Variants in PDE10A observed in about 807,000 individuals in gnomAD.
PDE10A encodes cAMP and cAMP-inhibited cGMP 3',5'-cyclic phosphodiesterase 10A.
PDE10A carries 39 observed loss-of-function variants against 97.7 expected under a neutral mutation model. That is an observed-to-expected ratio of 0.40 (90% CI 0.31 to 0.52). PDE10A has a LOEUF of 0.52. PDE10A is among the 20% of genes least tolerant of loss of function. The probability of loss-of-function intolerance (pLI) is 0.56; values close to 1 mark genes in which losing one functional copy is unlikely to be tolerated. For synonymous variants in PDE10A, 371 were observed against 376.8 expected, an observed-to-expected ratio of 0.98 and a Z score of 0.18; for missense variants, 731 against 1,047.8, an observed-to-expected ratio of 0.70 and a Z score of 4.17.
chr6:165,870,403 T>C (rs762693340), intron 1 of PDE10A, among the ~76,000 whole-genome samples: 6 of 152,102 alleles, frequency 3.9e-5, no homozygotes, highest in Non-Finnish European at 5.9e-5. Context: ...CAATGAGATA[T>C]TGTCTCACTC....
chr6:165,954,477 C>T (rs1407835038), intron 1 of PDE10A, among the ~76,000 whole-genome samples: 1 of 152,150 alleles, frequency 6.6e-6, no homozygotes, highest in Non-Finnish European at 1.5e-5. Context: ...CCCTCAGCTT[C>T]CTAAAGTCCA....
intron 10 of PDE10A, among the ~76,000 whole-genome samples, chr6:165,425,774 T>TGTGC (rs1193179570): frequency 3.0e-4 from 37 of 122,056 alleles, no homozygotes; most frequent in African/African-American, 9.0e-4. Context: ...CATGATCGTG[T>TGTGC]GTGTGTGTGT....
intron 1 of PDE10A, among the ~76,000 whole-genome samples, chr6:165,573,159 C>A (rs1440755986): frequency 6.6e-6 from 1 of 152,068 alleles, no homozygotes; most frequent in Non-Finnish European, 1.5e-5. Flanking sequence ...TATCTTCATT[C>A]TTTAGGACTT....
At chr6:165,806,604 G>A (rs1163494868) in intron 1 of PDE10A, among the ~76,000 whole-genome samples, 5 of 152,040 alleles carry the variant, frequency 3.3e-5, no homozygotes, top group Non-Finnish European at 7.3e-5. Flanking sequence ...CTCCTATTGC[G>A]TCTCTTCAGC....
At chr6:165,407,306 G>C (rs1041040650) in intron 13 of PDE10A, among the ~76,000 whole-genome samples, 5 of 152,158 alleles carry the variant, frequency 3.3e-5, no homozygotes, top group African/African-American at 1.2e-4. Flanking sequence ...GGACCAGTCT[G>C]CATGCATTCA....
At chr6:165,746,971 T>G (rs935627755) in intron 1 of PDE10A, among the ~76,000 whole-genome samples, 4 of 152,224 alleles carry the variant, frequency 2.6e-5, no homozygotes, top group Admixed American at 2.0e-4. Flanking sequence ...AAATACAGTG[T>G]TTTAAATAAA....
At chr6:165,403,438 C>T (rs993912582) in intron 13 of PDE10A, among the ~76,000 whole-genome samples, 2 of 152,230 alleles carry the variant, frequency 1.3e-5, no homozygotes, top group East Asian at 3.9e-4. Flanking sequence ...CAAATCAGGA[C>T]CCTTCTGTTT....
intron 1 of PDE10A, among the ~76,000 whole-genome samples, chr6:165,579,049 C>A (rs1485214461): frequency 2.0e-5 from 3 of 152,156 alleles, no homozygotes; most frequent in African/African-American, 4.8e-5. Context: ...ACAGCACATA[C>A]CCTCCCAAGA....
intron 1 of PDE10A, among the ~76,000 whole-genome samples, chr6:165,770,699 A>G (rs1562728011): frequency 6.6e-6 from 1 of 152,130 alleles, no homozygotes. Context: ...AGGCCTCATC[A>G]TCTCTGCTCT....
chr6:165,709,545 C>A, intron 1 of PDE10A, among the ~76,000 whole-genome samples: 1 of 105,534 alleles, frequency 9.5e-6, no homozygotes, highest in Non-Finnish European at 2.0e-5. Flanking sequence ...TCCCTCCCCT[C>A]CACTCTCTAT....
intron 11 of PDE10A, among the ~76,000 whole-genome samples, chr6:165,416,630 G>A (rs1438796732): frequency 6.6e-6 from 1 of 152,076 alleles, no homozygotes; most frequent in African/African-American, 2.4e-5. Flanking sequence ...TTCTCAATGA[G>A]GTGTGAACGA....
In PDE10A at chr6:165,388,298, C is replaced by T. The variant is rs1033417971; in HGVS notation, c.2610G>A (p.Gln870=). The T allele has an allele frequency of 1.9e-6, 3 of 1,613,858 alleles. No individual in the cohort carries two copies. The highest frequency in any genetic ancestry group is 2.2e-5 in the East Asian group (1 of 44,874). The change falls in exon 17 of 22, where the codon CAG becomes CAA. Residue 870 remains glutamine (Q), a splice_region_variant and synonymous_variant. Transcript: ENST00000539869. This position sits in a 1 kb window ranked among gnomAD's most constrained non-coding sequence, Gnocchi z 4.0. ...HHFSQTVSIL[Q]LEGHNIFSTL... is the part of the protein sequence containing the mutation. ...CGAGAGACGGCGTGCAGTGACTCAC[C>T]TGGAGGATGGACACAGTCTGGGAGA...
At chr6:165,455,416 C>T (rs746852860) in intron 3 of PDE10A, among the ~76,000 whole-genome samples, 20 of 152,070 alleles carry the variant, frequency 1.3e-4, no homozygotes, top group Non-Finnish European at 2.4e-4. Context: ...AGGATCCCCA[C>T]GTAGGAAGGG....
At chr6:165,433,307 A>G (rs1251975194) in intron 6 of PDE10A, among the ~76,000 whole-genome samples, 178 bp from the exon 7 acceptor site, 1 of 152,196 alleles carries the variant, frequency 6.6e-6, no homozygotes, top group Non-Finnish European at 1.5e-5. Flanking sequence ...TTACTTTTTC[A>G]TGGAACTTAT....
rs567975611 is a variant in PDE10A, at chr6:165,768,503, C to T, written c.-615+219026G>A. ...AAGTGTCCTTCACTTAAAATAAATG[C>T]TCCTTAGAATTTTTCGCATTTATAG... On this transcript the variant is annotated intron_variant, in intron 1 of 19. Coordinates refer to the PDE10A transcript ENST00000366882. Among the ~76,000 whole-genome samples the T allele has an allele frequency of 3.3e-4, 50 of 152,086 alleles. 1 individual carries two copies. Among genetic ancestry groups the T allele is most frequent in the Middle Eastern group, 3.4e-3 (1 of 294 alleles).
intron 2 of PDE10A, among the ~76,000 whole-genome samples, chr6:165,484,245 A>C (rs1386269020): frequency 6.6e-6 from 1 of 152,220 alleles, no homozygotes; most frequent in African/African-American, 2.4e-5. Flanking sequence ...GAAGACAGAA[A>C]CTTTACTTTC....
At chr6:165,701,975 C>T (rs570523506) in intron 1 of PDE10A, among the ~76,000 whole-genome samples, 1 of 152,294 alleles carries the variant, frequency 6.6e-6, no homozygotes, top group East Asian at 1.9e-4. Flanking sequence ...TGAGGAACAA[C>T]ACGCAGTCTG....
At chr6:165,951,490 A>G (rs1466762135) in intron 1 of PDE10A, among the ~76,000 whole-genome samples, 1 of 151,860 alleles carries the variant, frequency 6.6e-6, no homozygotes, top group Non-Finnish European at 1.5e-5. Context: ...TGATTTCCCT[A>G]CCAACCGTCA....
In PDE10A at chr6:165,336,618, A is replaced by G. The variant is rs545526084; in HGVS notation, c.2977-407T>C. Among the ~76,000 whole-genome samples, 7 of 152,046 alleles carry G rather than the reference A, an allele frequency of 4.6e-5. No individual in the cohort carries two copies. In the South Asian group the frequency reaches 6.2e-4, roughly 14 times the overall value. On this transcript the variant is annotated intron_variant, in intron 20 of 21. Transcript: ENST00000539869. The stretch of plus-strand genomic sequence containing the variant: ...CAAAAAATTAGCTGGGCGCGGTGGC[A>G]GGCGCCTGTAGTCCCAGCTACTCGG...
Sources: gnomAD v4.1 joint callset for allele counts (sites outside exome capture counted in the v4.1 genomes callset) on GRCh38, gnomAD v4.1.1 for gene constraint, Gnocchi (gnomAD v3.1) non-coding constraint, MANE v1.5 for transcripts, NCBI Gene and HGNC (gene_info 2026-07-23, HGNC 2026-07-21) for gene names.